Variants in IKZF3 observed in about 807,000 individuals in gnomAD.
The protein encoded by IKZF3 is zinc finger protein Aiolos.
A neutral mutation model predicts 49.0 loss-of-function variants in IKZF3; 10 were observed. The ratio of observed to expected loss-of-function variants is 0.20; its 90% CI spans 0.13 to 0.35. IKZF3 has a LOEUF of 0.35. Ranked by LOEUF, IKZF3 falls within the 10% of genes least tolerant of loss-of-function variation. The pLI is 1.00. For synonymous variants in IKZF3, 209 were observed against 228.2 expected (o/e 0.92, Z 0.76); for missense variants, 498 against 664.8 (o/e 0.75, Z 2.76).
chr17:39,823,080 G>A (rs967823466), intron 3 of IKZF3, among the ~76,000 whole-genome samples: 1 of 152,172 alleles, frequency 6.6e-6, no homozygotes, highest in Non-Finnish European at 1.5e-5. Flanking sequence ...GAGACTTGGA[G>A]GGTTCAGAAG....
At chr17:39,854,564 G>T (rs1042686130) in intron 1 of IKZF3, among the ~76,000 whole-genome samples, 2 of 152,174 alleles carry the variant, frequency 1.3e-5, no homozygotes, top group African/African-American at 4.8e-5. Flanking sequence ...AGCAAAAAAT[G>T]TCACTACGTT....
chr17:39,797,933 G>A (rs1171024572), intron 3 of IKZF3, among the ~76,000 whole-genome samples: 1 of 151,898 alleles, frequency 6.6e-6, no homozygotes, highest in Non-Finnish European at 1.5e-5. Context: ...TATAACTCCA[G>A]GTGTAACCTC....
intron 7 of IKZF3, among the ~76,000 whole-genome samples, chr17:39,776,829 A>C (rs2143705102): frequency 6.6e-6 from 1 of 152,346 alleles, no homozygotes; most frequent in Non-Finnish European, 1.5e-5. Context: ...AGAGGCTGAG[A>C]CAGGTTTCTA....
intron 6 of IKZF3, among the ~76,000 whole-genome samples, chr17:39,781,936 C>T (rs570422907): frequency 4.7e-4 from 72 of 152,268 alleles, no homozygotes; most frequent in Non-Finnish European, 8.4e-4. Flanking sequence ...TGGAGACTTT[C>T]CCATTTCCAC....
chr17:39,790,707 G>T, intron 5 of IKZF3, among the ~76,000 whole-genome samples: 1 of 150,000 alleles, frequency 6.7e-6, no homozygotes, highest in South Asian at 2.1e-4. Flanking sequence ...AAAACATCAC[G>T]ACAGCACATA....
chr17:39,817,838 AG>A (rs1306452217), intron 3 of IKZF3, among the ~76,000 whole-genome samples: 1 of 152,220 alleles, frequency 6.6e-6, no homozygotes, highest in African/African-American at 2.4e-5. Flanking sequence ...AGTACAGTAG[AG>A]TAGTCCCCCC....
chr17:39,784,214 A>AAATG (rs1414702754), intron 6 of IKZF3, among the ~76,000 whole-genome samples: 1 of 152,240 alleles, frequency 6.6e-6, no homozygotes, highest in African/African-American at 2.4e-5. Flanking sequence ...GAATGAGGCT[A>AAATG]AATGAATCTC....
chr17:39,849,298 T>G (rs147945333), intron 1 of IKZF3, among the ~76,000 whole-genome samples: 2 of 111,554 alleles, frequency 1.8e-5, no homozygotes, highest in Non-Finnish European at 3.5e-5. Context: ...TAGCCAGGTG[T>G]GATAGCACCT....
chr17:39,809,797 AT>A (rs1355179273), intron 3 of IKZF3, among the ~76,000 whole-genome samples: 1 of 152,250 alleles, frequency 6.6e-6, no homozygotes, highest in African/African-American at 2.4e-5. Flanking sequence ...AAAGATTGAC[AT>A]AGATTTCAGG....
intron 6 of IKZF3, among the ~76,000 whole-genome samples, chr17:39,784,386 T>G (rs2060821646): frequency 1.3e-5 from 2 of 151,880 alleles, no homozygotes; most frequent in Admixed American, 1.3e-4. Flanking sequence ...AAACTTGGAC[T>G]AAAGTAGCAA....
At position 39,758,135 on chromosome 17, in the gene IKZF3, G is replaced by C. The variant is rs1042287825; in HGVS notation, c.*7655C>G. On this transcript the variant is annotated 3_prime_UTR_variant, in exon 8 of 8. Coordinates refer to ENST00000346872, the MANE Select transcript of IKZF3 (RefSeq NM_012481.5). Reference sequence around the variant, plus strand: ...CAATGGTCATCCACAGACCACACGTGTGGTGGCTTTGGCAACCAGAAATTT... The same window carrying C: ...CAATGGTCATCCACAGACCACACGTCTGGTGGCTTTGGCAACCAGAAATTT... The C allele has an allele frequency of 2.6e-5, 4 of 152,230 alleles. No homozygotes were observed. Among genetic ancestry groups the C allele is most frequent in the Admixed American group, 2.0e-4 (3 of 15,280 alleles). The allele number at this position is 152,230 out of a possible 1,614,324, so 9.4% of individuals were successfully genotyped here.
intron 1 of IKZF3, among the ~76,000 whole-genome samples, chr17:39,833,559 T>C (rs989974943): frequency 6.6e-6 from 1 of 152,184 alleles, no homozygotes; most frequent in Non-Finnish European, 1.5e-5. Flanking sequence ...TCACTCAACA[T>C]AATGTTTTGA....
At chr17:39,823,862 G>A (rs924618180) in intron 3 of IKZF3, among the ~76,000 whole-genome samples, 66 of 152,332 alleles carry the variant, frequency 4.3e-4, no homozygotes, top group African/African-American at 1.5e-3. Context: ...TTCGCTACAG[G>A]GGTGGAGCCC....
At chr17:39,770,099 G>C (rs770648104) in intron 7 of IKZF3, among the ~76,000 whole-genome samples, 1 of 152,150 alleles carries the variant, frequency 6.6e-6, no homozygotes, top group Non-Finnish European at 1.5e-5. Context: ...ATGATTATCA[G>C]TCACCTGTAG....
chr17:39,792,967 A>T (rs1416680941), intron 3 of IKZF3, 34 bp from the exon 4 acceptor site: 3 of 1,603,170 alleles, frequency 1.9e-6, no homozygotes, highest in East Asian at 4.5e-5. Flanking sequence ...ATGAACAACG[A>T]CTATACTTGA....
At chr17:39,850,102 ATATATGTATATATAC>A (rs1262889508) in intron 1 of IKZF3, among the ~76,000 whole-genome samples, 16 of 143,228 alleles carry the variant, frequency 1.1e-4, no homozygotes, top group Non-Finnish European at 1.5e-4. Flanking sequence ...ATAGCATATT[ATATATGTATATATAC>A]TATATGTATA....
At chr17:39,835,370 A>G in intron 1 of IKZF3, 1 of 490,418 alleles carries the variant, frequency 2.0e-6, no homozygotes, top group Non-Finnish European at 4.0e-6. Flanking sequence ...TGGCATTGGC[A>G]TCCTTAATGG....
At chr17:39,793,324 T>C (rs571412563) in intron 3 of IKZF3, among the ~76,000 whole-genome samples, 1 of 152,336 alleles carries the variant, frequency 6.6e-6, no homozygotes, top group South Asian at 2.1e-4. Flanking sequence ...GGCAAGGTGA[T>C]GTACTCTTAG....
intron 1 of IKZF3, among the ~76,000 whole-genome samples, chr17:39,850,543 T>TAG (rs1221013704): frequency 8.5e-6 from 1 of 117,738 alleles, no homozygotes; most frequent in African/African-American, 3.7e-5. Context: ...CATGTACATA[T>TAG]TATAGCATAT....
Sources: gnomAD v4.1 joint callset for allele counts (sites outside exome capture counted in the v4.1 genomes callset) on GRCh38, gnomAD v4.1.1 for gene constraint, MANE v1.5 for transcripts, NCBI Gene and HGNC (gene_info 2026-07-23, HGNC 2026-07-21) for gene names.